CTNNBL1: variants seen among roughly 807,000 people sequenced by gnomAD.
The protein encoded by CTNNBL1 is beta-catenin-like protein 1.
CTNNBL1 carries 31 observed loss-of-function variants against 72.7 expected under a neutral mutation model. That is an observed-to-expected ratio of 0.43 (90% confidence interval 0.32 to 0.58). The LOEUF (loss-of-function observed/expected upper bound fraction) is 0.58, where lower values mean the gene tolerates loss of function less well. Ranked by LOEUF, CTNNBL1 falls within the 20% of genes least tolerant of loss-of-function variation. CTNNBL1 has a pLI of 0.08. For missense variants in CTNNBL1, 534 were observed against 725.1 expected (o/e 0.74, Z 3.03); for synonymous variants, 240 against 267.3 (o/e 0.90, Z 1.00).
At chr20:37,811,767 G>T (rs1314809007) in intron 11 of CTNNBL1, among the ~76,000 whole-genome samples, 2 of 152,186 alleles carry the variant, frequency 1.3e-5, no homozygotes, top group Non-Finnish European at 2.9e-5. Context: ...CGAGGGAGTG[G>T]GGAAAACTGA....
chr20:37,818,375 A>G (rs1275826512), intron 11 of CTNNBL1, among the ~76,000 whole-genome samples: 1 of 152,222 alleles, frequency 6.6e-6, no homozygotes, highest in Non-Finnish European at 1.5e-5. Context: ...CCCTGAGATT[A>G]GAAAGATTGA....
At chr20:37,860,161 C>T in intron 14 of CTNNBL1, 111 bp from the exon 15 acceptor site, 1 of 1,477,330 alleles carries the variant, frequency 6.8e-7, no homozygotes, top group Non-Finnish European at 9.4e-7. Flanking sequence ...TACTCTACAT[C>T]AGCCTTTTGT....
At chr20:37,854,641 T>C (rs1428497495) in intron 13 of CTNNBL1, among the ~76,000 whole-genome samples, 1 of 151,118 alleles carries the variant, frequency 6.6e-6, no homozygotes, top group African/African-American at 2.4e-5. Context: ...CCAGGCTGAG[T>C]GCAGTGGCGT....
chr20:37,776,343 T>C (rs1211587749), intron 7 of CTNNBL1, among the ~76,000 whole-genome samples: 1 of 152,230 alleles, frequency 6.6e-6, no homozygotes, highest in African/African-American at 2.4e-5. Context: ...ACTCTTCCTC[T>C]TTAAGTATAA....
chr20:37,835,413 G>T (rs2072245200), intron 11 of CTNNBL1, among the ~76,000 whole-genome samples: 1 of 152,052 alleles, frequency 6.6e-6, no homozygotes, highest in Non-Finnish European at 1.5e-5. Context: ...TTCGTAACAA[G>T]AACAAAAACA....
intron 4 of CTNNBL1, among the ~76,000 whole-genome samples, chr20:37,749,339 A>G (rs1378050785): frequency 6.6e-6 from 1 of 152,188 alleles, no homozygotes; most frequent in African/African-American, 2.4e-5. Context: ...AGATACTGAC[A>G]TTTTGCTGAT....
At chr20:37,752,011 G>A (rs2073323912) in intron 4 of CTNNBL1, among the ~76,000 whole-genome samples, 1 of 152,180 alleles carries the variant, frequency 6.6e-6, no homozygotes, top group South Asian at 2.1e-4. Context: ...AAACATCTTA[G>A]GTTAAAAGTG....
At chr20:37,809,460 A>G (rs2071990325) in intron 11 of CTNNBL1, among the ~76,000 whole-genome samples, 1 of 152,166 alleles carries the variant, frequency 6.6e-6, no homozygotes, top group African/African-American at 2.4e-5. Flanking sequence ...GCTTGGTGTT[A>G]TTTCTCATTC....
chr20:37,723,854 T>C (rs997133632), intron 1 of CTNNBL1, among the ~76,000 whole-genome samples: 5 of 152,188 alleles, frequency 3.3e-5, no homozygotes, highest in Admixed American at 6.5e-5. Flanking sequence ...TGTGGTGCCT[T>C]AAGCAAATTT....
chr20:37,795,290 A>G (rs1376254680), intron 10 of CTNNBL1, among the ~76,000 whole-genome samples: 2 of 152,034 alleles, frequency 1.3e-5, no homozygotes, highest in African/African-American at 4.8e-5. Flanking sequence ...GGGACTACAC[A>G]GGCATGCACC....
intron 15 of CTNNBL1, among the ~76,000 whole-genome samples, chr20:37,862,208 A>C (rs1399707450): frequency 1.3e-5 from 2 of 152,150 alleles, no homozygotes. Flanking sequence ...ATTACTGCTC[A>C]GAGCCTCATT....
chr20:37,805,453 G>C (rs932280050), intron 11 of CTNNBL1, among the ~76,000 whole-genome samples: 1 of 140,878 alleles, frequency 7.1e-6, no homozygotes, highest in Admixed American at 7.5e-5. Context: ...CTAGAGTGCA[G>C]TGATGCGATC....
intron 7 of CTNNBL1, among the ~76,000 whole-genome samples, chr20:37,771,645 A>G (rs1465098607): frequency 6.7e-6 from 1 of 149,262 alleles, no homozygotes; most frequent in Admixed American, 6.7e-5. Flanking sequence ...CTTTGTTCAT[A>G]CTCCCAACTC....
At chr20:37,737,991 C>T (rs908284009) in intron 3 of CTNNBL1, among the ~76,000 whole-genome samples, 2 of 152,230 alleles carry the variant, frequency 1.3e-5, no homozygotes, top group Non-Finnish European at 2.9e-5. Context: ...AAAGCAGCAA[C>T]CTTATCACTT....
At chr20:37,840,768 T>C (rs553494956) in intron 12 of CTNNBL1, among the ~76,000 whole-genome samples, 3 of 151,870 alleles carry the variant, frequency 2.0e-5, no homozygotes, top group East Asian at 1.9e-4. Context: ...TTAGATGGAT[T>C]GGGCTATGGA....
At chr20:37,772,469 C>T (rs1465193511) in intron 7 of CTNNBL1, among the ~76,000 whole-genome samples, 1 of 152,228 alleles carries the variant, frequency 6.6e-6, no homozygotes, top group Admixed American at 6.5e-5. Context: ...CTGCCTCAAC[C>T]TCCTGAGTAG....
chr20:37,840,294 C>T, intron 12 of CTNNBL1, 95 bp downstream of exon 12: 1 of 899,872 alleles, frequency 1.1e-6, no homozygotes, highest in South Asian at 1.5e-5. Context: ...AGTGGTCCTA[C>T]CCTAAAATTC....
At chr20:37,701,877 G>A (rs1293383218) in intron 1 of CTNNBL1, among the ~76,000 whole-genome samples, 1 of 147,554 alleles carries the variant, frequency 6.8e-6, no homozygotes, top group Admixed American at 6.7e-5. Context: ...CAGATGTGTG[G>A]CGTAATACAT....
At chr20:37,785,890 G>T (rs2073668884) in intron 10 of CTNNBL1, among the ~76,000 whole-genome samples, 1 of 152,150 alleles carries the variant, frequency 6.6e-6, no homozygotes, top group African/African-American at 2.4e-5. Context: ...TCTTGGGAAG[G>T]CTTTCCAGGT....
Sources: allele counts gnomAD v4.1 joint callset (sites outside exome capture counted in the v4.1 genomes callset), GRCh38; gene constraint gnomAD v4.1.1; transcripts MANE v1.5; gene names NCBI Gene and HGNC (gene_info 2026-07-23, HGNC 2026-07-21).